Variants in UACA observed in about 807,000 individuals in gnomAD.
UACA encodes the protein uveal autoantigen with coiled-coil domains and ankyrin repeats, also known as nuclear membrane binding protein.
A neutral mutation model predicts 160.5 loss-of-function variants in UACA; 112 were observed. The observed-to-expected ratio is 0.70, with a 90% CI of 0.60 to 0.82. The LOEUF is 0.82. UACA is among the 40% of genes least tolerant of loss of function. The pLI is 0.00. For synonymous variants in UACA, 557 were observed against 568.4 expected, an observed-to-expected ratio of 0.98 and a Z score of 0.29; for missense variants, 1,574 against 1,614.6, an observed-to-expected ratio of 0.97 and a Z score of 0.43.
At chr15:70,707,937 G>A (rs1898567642) in intron 1 of UACA, among the ~76,000 whole-genome samples, 1 of 152,158 alleles carries the variant, frequency 6.6e-6, no homozygotes, top group South Asian at 2.1e-4. Flanking sequence ...ATCCAAATGA[G>A]TTGAAAGCAG....
intron 16 of UACA, among the ~76,000 whole-genome samples, chr15:70,666,337 G>A (rs1460411251): frequency 6.6e-6 from 1 of 152,164 alleles, no homozygotes. Flanking sequence ...TACTATGGGT[G>A]AGTACCGAGA....
rs748824469 is a variant in UACA at position 70,687,764 on chromosome 15, TCA to T, written c.479_480del (p.Val160GlufsTer19). On this transcript the variant is annotated frameshift_variant, in exon 6 of 19. Transcript: ENST00000322954. LOFTEE classifies it high-confidence loss of function. The stretch of plus-strand genomic sequence containing the variant: ...AACTAACTTACTACATCTTTGGCAT[TCA>T]CAGAGGCCCCATGGTCACAAAGCAG... ...IQLLCDHGAS[V>X]NAKDVDGRTP... The T allele has an allele frequency of 2.5e-6, 4 of 1,613,814 alleles. No individual in the cohort carries two copies. Among genetic ancestry groups the T allele is most frequent in the Non-Finnish European group, 3.4e-6 (4 of 1,179,784 alleles).
At chr15:70,666,261 AGACT>A (rs1896899166) in intron 16 of UACA, among the ~76,000 whole-genome samples, 1 of 152,172 alleles carries the variant, frequency 6.6e-6, no homozygotes, top group African/African-American at 2.4e-5. Context: ...GAGGGGATGT[AGACT>A]TTCTAGTCTG....
At chr15:70,723,867 C>CA (rs1350877167) in intron 1 of UACA, among the ~76,000 whole-genome samples, 1 of 152,096 alleles carries the variant, frequency 6.6e-6, no homozygotes, top group Non-Finnish European at 1.5e-5. Context: ...CTCCTGACCT[C>CA]ATGATCCACC....
At chr15:70,708,868 C>A (rs1445603829) in intron 1 of UACA, among the ~76,000 whole-genome samples, 5 of 152,188 alleles carry the variant, frequency 3.3e-5, no homozygotes, top group African/African-American at 9.7e-5. Context: ...AGGTTAATAA[C>A]TGTTAAAGCT....
intron 9 of UACA, 102 bp downstream of exon 9, chr15:70,682,656 G>A (rs189016259): frequency 3.4e-5 from 20 of 581,318 alleles, no homozygotes; most frequent in Admixed American, 1.6e-4. Context: ...GAGATAGAAC[G>A]CATTTAAACT....
At chr15:70,702,618 T>C (rs1440581859) in intron 1 of UACA, among the ~76,000 whole-genome samples, 3 of 152,272 alleles carry the variant, frequency 2.0e-5, no homozygotes, top group Non-Finnish European at 4.4e-5. Context: ...TAGGATCATC[T>C]AACATGAAGT....
rs756531313 is a variant in UACA, at chr15:70,763,377, G to A, written c.31C>T (p.Gln11Ter). The part of the protein sequence containing the change: MKSLKSRLRR[Q>*]DVPGPASSGA... ...GACGACGCGGGGCCGGGCACGTCCT[G>A]CCTCCTCAGGCGGGACTTGAGGCTC... is the stretch of plus-strand genomic sequence containing the variant. The change falls in exon 1 of 19, where the codon CAG (glutamine) becomes TAG (stop). Residue 11 changes from glutamine to a stop codon, truncating the protein, a stop_gained. Transcript: ENST00000322954. LOFTEE classifies it high-confidence loss of function. The A allele has an allele frequency of 7.5e-7, 1 of 1,333,770 alleles. No homozygotes were observed. The highest frequency in any genetic ancestry group is 9.7e-7 in the Non-Finnish European group (1 of 1,036,214). 82.6% of individuals were successfully genotyped at this position (1,333,770 alleles called of 1,614,324 possible).
At chr15:70,707,233 A>G (rs1898546656) in intron 1 of UACA, among the ~76,000 whole-genome samples, 1 of 152,210 alleles carries the variant, frequency 6.6e-6, no homozygotes, top group Admixed American at 6.5e-5. Context: ...GCCACATGCA[A>G]AAGAACAAAG....
Position 70,668,217 on chromosome 15 carries a change from G to A in UACA, c.2467C>T (p.Leu823Phe). The A allele has an allele frequency of 6.2e-7, 1 of 1,612,552 alleles. No homozygotes were observed. The highest frequency in any genetic ancestry group is 8.5e-7 in the Non-Finnish European group (1 of 1,179,738). Reference protein sequence around the residue: ...IIALKSNIVELKKQLSELKKK... With the variant: ...IIALKSNIVEFKKQLSELKKK... ...TTAAGTTCAGACAGCTGTTTCTTAA[G>A]TTCAACAATATTGGATTTCAGAGCT... The change falls in exon 16 of 19, where the codon CTT becomes TTT. Residue 823 changes from leucine (L) to phenylalanine (F), a missense_variant. Physicochemically the swap from Leu to Phe is conservative, Grantham distance 22 (BLOSUM62 0). Coordinates refer to ENST00000322954, the MANE Select transcript of UACA (RefSeq NM_018003.4).
chr15:70,700,654 A>G (rs1196250383), intron 1 of UACA, among the ~76,000 whole-genome samples: 5 of 152,046 alleles, frequency 3.3e-5, no homozygotes, highest in Admixed American at 3.3e-4. Context: ...AAATACATTC[A>G]AGGTATTCTG....
At chr15:70,748,363 C>A (rs896393410) in intron 1 of UACA, among the ~76,000 whole-genome samples, 2 of 151,940 alleles carry the variant, frequency 1.3e-5, no homozygotes, top group Non-Finnish European at 2.9e-5. Flanking sequence ...CAAGGACAAA[C>A]ATGGGTGACA....
intron 1 of UACA, among the ~76,000 whole-genome samples, chr15:70,723,693 C>T (rs1206174638): frequency 2.7e-5 from 4 of 150,206 alleles, no homozygotes; most frequent in East Asian, 2.0e-4. Flanking sequence ...AGTCCAGTGG[C>T]GTGATCTCGG....
chr15:70,721,680 C>A lies in UACA; in HGVS notation c.79-22020G>T, dbSNP rs186314061. ...CCCTAATAAACTTTTATTAACCCAG[C>A]GCTTTGCACAGTCCTCAACTATAAT... is the stretch of plus-strand genomic sequence containing the variant. On this transcript the variant is annotated intron_variant, in intron 1 of 18. Transcript: ENST00000322954. 1.2e-3 allele frequency among the ~76,000 whole-genome samples: 180 copies of A among 151,668 alleles called. 1 individual carries two copies. Among genetic ancestry groups the A allele is most frequent in the Non-Finnish European group, 6.9e-4 (47 of 67,936 alleles).
chr15:70,664,690 T>TG lies in UACA; in HGVS notation c.4084dup (p.Gln1362ProfsTer13). 6.2e-7 allele frequency: 1 copy of TG among 1,611,414 alleles called. No individual in the cohort carries two copies. Among genetic ancestry groups the TG allele is most frequent in the Non-Finnish European group, 8.5e-7 (1 of 1,178,856 alleles). Reference sequence around the variant, plus strand: ...CAGCTGTTGCTCCAGAGATTTCACTTGGTGCTGCAGAGTGTCAATCAGCTG... The same window carrying TG: ...CAGCTGTTGCTCCAGAGATTTCACTTGGGTGCTGCAGAGTGTCAATCAGCTG... On this transcript the variant is annotated frameshift_variant, in exon 17 of 19. Coordinates refer to ENST00000322954, the MANE Select transcript of UACA (RefSeq NM_018003.4). LOFTEE classifies it high-confidence loss of function.
intron 1 of UACA, among the ~76,000 whole-genome samples, chr15:70,703,692 C>T (rs371941731): frequency 6.4e-4 from 98 of 152,086 alleles, no homozygotes; most frequent in Non-Finnish European, 1.2e-3. Flanking sequence ...ATATAAGGAG[C>T]GGCCCATGTT....
chr15:70,699,444 T>C (rs1898250973), intron 2 of UACA, 83 bp downstream of exon 2: 2 of 1,476,846 alleles, frequency 1.4e-6, no homozygotes, highest in Non-Finnish European at 9.2e-7. Context: ...AGTAAGTTGA[T>C]AACTACAATT....
the UACA span, among the ~76,000 whole-genome samples, chr15:70,773,540 G>A: frequency 2.0e-5 from 3 of 152,160 alleles, no homozygotes; most frequent in African/African-American, 7.2e-5. Context: ...TTAAGTCTTT[G>A]AGGACAAAGG....
chr15:70,718,907 A>C (rs1255029288), intron 1 of UACA, among the ~76,000 whole-genome samples: 1 of 152,200 alleles, frequency 6.6e-6, no homozygotes, highest in Non-Finnish European at 1.5e-5. Context: ...TCACATAAAA[A>C]ATTGAATAAC....
Sources: gnomAD v4.1 joint callset for allele counts (sites outside exome capture counted in the v4.1 genomes callset) on GRCh38, gnomAD v4.1.1 for gene constraint, MANE v1.5 for transcripts, NCBI Gene and HGNC (gene_info 2026-07-23, HGNC 2026-07-21) for gene names.